The following GFAP variants were observed in gnomAD, a reference collection of about 807,000 sequenced individuals.
GFAP encodes intermediate filament protein.
A neutral mutation model predicts 49.3 loss-of-function variants in GFAP; 38 were observed. That is an observed-to-expected ratio of 0.77 (90% CI 0.60 to 1.01). The LOEUF (loss-of-function observed/expected upper bound fraction) is 1.01, where lower values mean the gene tolerates loss of function less well. Among genes scored for constraint, GFAP ranks in the 50% least tolerant of loss-of-function variants. GFAP has a pLI of 0.00. For synonymous variants in GFAP, 222 were observed against 236.4 expected, an observed-to-expected ratio of 0.94 and a Z score of 0.56; for missense variants, 463 against 579.1, an observed-to-expected ratio of 0.80 and a Z score of 2.06.
rs1427677700 is a variant in GFAP, at chr17:44,903,981, T to C, written c.*3366A>G. On this transcript the variant is annotated 3_prime_UTR_variant, in exon 9 of 9. Transcript: ENST00000588735. The stretch of plus-strand genomic sequence containing the variant: ...TACCTGGCCGACATGAGCTTTGAGC[T>C]TCCCTGTCACTGCAAACCCGAAGAG... The C allele has an allele frequency of 2.6e-6, 4 of 1,550,530 alleles. No homozygotes were observed. The highest frequency in any genetic ancestry group is 3.5e-6 in the Non-Finnish European group (4 of 1,147,012).
chr17:44,910,803 G>A, intron 6 of GFAP, 145 bp from the exon 7 acceptor site: 1 of 1,211,098 alleles, frequency 8.3e-7, no homozygotes, highest in Non-Finnish European at 1.2e-6. Context: ...TTCCCCAGCA[G>A]CCAACGTGCT....
chr17:44,913,480 C>T (rs753715281), intron 3 of GFAP, 50 bp from the exon 4 acceptor site: 1 of 1,591,994 alleles, frequency 6.3e-7, no homozygotes, highest in Admixed American at 1.7e-5. Flanking sequence ...CAGGCCACAG[C>T]TGGGGTTCCC....
intron 7 of GFAP, chr17:44,909,776 C>A: frequency 2.7e-6 from 3 of 1,114,590 alleles, no homozygotes; most frequent in Non-Finnish European, 3.3e-6. Flanking sequence ...AGCGATGGAG[C>A]CTCAGGGATG....
In GFAP at chr17:44,906,997, G is replaced by A; in HGVS notation, c.*350C>T. On this transcript the variant is annotated 3_prime_UTR_variant, in exon 9 of 9. Coordinates refer to ENST00000588735, the MANE Select transcript of GFAP (RefSeq NM_002055.5). ...TCTGGCAACAGTTTCCATAACAACAGGAATCAGGGATGTGGAGGGCGATGT... is the reference window on the plus strand; with the variant it reads ...TCTGGCAACAGTTTCCATAACAACAAGAATCAGGGATGTGGAGGGCGATGT... 2.6e-6 allele frequency: 1 copy of A among 388,858 alleles called. No individual in the cohort carries two copies. The highest frequency in any genetic ancestry group is 2.7e-5 in the South Asian group (1 of 37,542). The allele number at this position is 388,858 out of a possible 1,614,324, so 24.1% of individuals were successfully genotyped here.
chr17:44,913,423 C>T lies in GFAP; in HGVS notation c.626G>A (p.Arg209Gln), dbSNP rs771699440. 20 of 1,613,994 alleles carry T rather than the reference C, an allele frequency of 1.2e-5. No individual in the cohort carries two copies. Among genetic ancestry groups the T allele is most frequent in the Middle Eastern group, 1.7e-4 (1 of 5,970 alleles). ...FLRKIHEEEV[R>Q]ELQEQLARQQ... is the part of the protein sequence containing the mutation. Reference sequence around the variant, plus strand: ...TCGGGCCAGCTGCTCCTGGAGTTCCCGAACCTCCTGACCAGGGTGAGAGAA... The same window carrying T: ...TCGGGCCAGCTGCTCCTGGAGTTCCTGAACCTCCTGACCAGGGTGAGAGAA... The change falls in exon 4 of 9, where the codon CGG (arginine) becomes CAG (glutamine). Residue 209 changes from arginine to glutamine, a missense_variant. Physicochemically the swap from Arg to Gln is conservative, Grantham distance 43. This residue lies in a region of GFAP where 362 missense variants were observed against 445.5 expected (regional missense o/e 0.81). Transcript: ENST00000588735.
Position 44,904,482 on chromosome 17 carries a change from C to A in GFAP, c.*2865G>T. 6.5e-7 allele frequency: 1 copy of A among 1,547,704 alleles called. No individual in the cohort carries two copies. Among genetic ancestry groups the A allele is most frequent in the African/African-American group, 1.4e-5 (1 of 73,136 alleles). On this transcript the variant is annotated 3_prime_UTR_variant, in exon 9 of 9. Coordinates refer to ENST00000588735, the MANE Select transcript of GFAP (RefSeq NM_002055.5). ...GATGTGGTGTCTTGTGGCTCAAGGGCTGTGCCAAGGAAGCTGCGGACCAAG... is the reference window on the plus strand; with the variant it reads ...GATGTGGTGTCTTGTGGCTCAAGGGATGTGCCAAGGAAGCTGCGGACCAAG...
rs1282048086 is a variant in GFAP, at chr17:44,904,680, G to A, written c.*2667C>T. The stretch of plus-strand genomic sequence containing the variant: ...TTCCACCAGCAGAGACTGGGCCATG[G>A]ACTCATCATCTCCTGTCCTGGGGCC... On this transcript the variant is annotated 3_prime_UTR_variant, in exon 9 of 9. Coordinates refer to ENST00000588735, the MANE Select transcript of GFAP (RefSeq NM_002055.5). 1.3e-6 allele frequency: 2 copies of A among 1,550,578 alleles called. No individual in the cohort carries two copies. The highest frequency in any genetic ancestry group is 2.4e-5 in the South Asian group (2 of 84,058).
At position 44,913,378 on chromosome 17, in the gene GFAP, A is replaced by G. The variant is rs140889005; in HGVS notation, c.671T>C (p.Leu224Pro). Residue 224 changes from leucine (L) to proline (P), a missense_variant, in exon 4 of 9, where the codon CTT becomes CCT. Leu to Pro is a moderately conservative substitution (Grantham distance 98). Coordinates refer to ENST00000588735, the MANE Select transcript of GFAP (RefSeq NM_002055.5). ...QLARQQVHVELDVAKPDLTAA... is the reference protein window; with the variant it reads ...QLARQQVHVEPDVAKPDLTAA... ...GGTGAGGTCTGGCTTGGCCACGTCA[A>G]GCTCCACATGGACCTGCTGTCGGGC... The G allele has an allele frequency of 2.0e-5, 32 of 1,614,078 alleles. No homozygotes were observed. The highest frequency in any genetic ancestry group is 2.6e-5 in the Non-Finnish European group (31 of 1,180,034).
rs904549643 is a variant in GFAP at position 44,904,873 on chromosome 17, G to C, written c.*2474C>G. On this transcript the variant is annotated 3_prime_UTR_variant, in exon 9 of 9. Transcript: ENST00000588735. ...GGGGCATCTACTATTGCTGGAGGCA[G>C]GGTGTGCTAGTTGCTGGCTTCCGGC... 3.9e-6 allele frequency: 6 copies of C among 1,550,552 alleles called. No individual in the cohort carries two copies. The highest frequency in any genetic ancestry group is 5.2e-6 in the Non-Finnish European group (6 of 1,146,994).
intron 7 of GFAP, 181 bp from the exon 8 acceptor site, chr17:44,908,330 G>C (rs1227567751): frequency 5.4e-6 from 2 of 367,150 alleles, no homozygotes; most frequent in Non-Finnish European, 9.9e-6. Flanking sequence ...CAATAGTGCT[G>C]CTGCCAGAGT....
rs1332793479 is a variant in GFAP at position 44,903,875 on chromosome 17, C to T, written c.*3472G>A. 1.9e-6 allele frequency: 3 copies of T among 1,550,580 alleles called. No individual in the cohort carries two copies. Among genetic ancestry groups the T allele is most frequent in the Non-Finnish European group, 8.7e-7 (1 of 1,146,884 alleles). On this transcript the variant is annotated 3_prime_UTR_variant, in exon 9 of 9. Transcript: ENST00000588735. The stretch of plus-strand genomic sequence containing the variant: ...TGTGCTCCTGTGGGCATGGGGGCTC[C>T]AGGCCTTTGAAATTGTGGAGAAGGA...
At chr17:44,913,077 G>T in intron 4 of GFAP, 192 bp downstream of exon 4, 1 of 663,690 alleles carries the variant, frequency 1.5e-6, no homozygotes, top group Non-Finnish European at 2.7e-6. Context: ...AATAGTAGCA[G>T]TAATAATAAT....
chr17:44,905,191 T>TA lies in GFAP; in HGVS notation c.*2155dup. 1 of 758,376 alleles carries TA rather than the reference T, an allele frequency of 1.3e-6. No individual in the cohort carries two copies. Among genetic ancestry groups the TA allele is most frequent in the African/African-American group, 1.8e-5 (1 of 56,546 alleles). The allele number at this position is 758,376 out of a possible 1,614,324, so 47.0% of individuals were successfully genotyped here. ...GGTAGGAACATGTGGACAAATCTGT[T>TA]ACAGCCTGCTCCCCATTTTCATGGG... On this transcript the variant is annotated 3_prime_UTR_variant, in exon 9 of 9. Coordinates refer to ENST00000588735, the MANE Select transcript of GFAP (RefSeq NM_002055.5).
chr17:44,905,578 CA>C lies in GFAP; in HGVS notation c.*1768del, dbSNP rs2145622518. The C allele has an allele frequency of 6.3e-6, 1 of 159,838 alleles. No homozygotes were observed. Among genetic ancestry groups the C allele is most frequent in the South Asian group, 1.8e-4 (1 of 5,406 alleles). 9.9% of individuals were successfully genotyped at this position (159,838 alleles called of 1,614,324 possible). On this transcript the variant is annotated 3_prime_UTR_variant, in exon 9 of 9. Coordinates refer to ENST00000588735, the MANE Select transcript of GFAP (RefSeq NM_002055.5). ...AATGAGTTGGTCTTGTCAAAGGCTA[CA>C]TCTTGGCCCCAGTCCCGCCCTCTCA...
Position 44,904,945 on chromosome 17 carries a change from T to C in GFAP, c.*2402A>G, listed in dbSNP as rs1407164976. 4 of 1,550,586 alleles carry C rather than the reference T, an allele frequency of 2.6e-6. No homozygotes were observed. The East Asian group carries it at 7.3e-5, about 28-fold the overall frequency. On this transcript the variant is annotated 3_prime_UTR_variant, in exon 9 of 9. Coordinates refer to ENST00000588735, the MANE Select transcript of GFAP (RefSeq NM_002055.5). ...ACTACCCAGCCTCGTTCTCAGATCC[T>C]GAGACTCGCTCGGCTGTGGAGCTCA...
rs1017887186 is a variant in GFAP at position 44,905,103 on chromosome 17, C to T, written c.*2244G>A. On this transcript the variant is annotated 3_prime_UTR_variant, in exon 9 of 9. Coordinates refer to ENST00000588735, the MANE Select transcript of GFAP (RefSeq NM_002055.5). ...TCTTCAGCTCTGAAGACCAGTTGTC[C>T]TTCAATGTGTTTGTTAAATGATACC... The T allele has an allele frequency of 1.4e-6, 2 of 1,468,554 alleles. No individual in the cohort carries two copies. Among genetic ancestry groups the T allele is most frequent in the East Asian group, 2.5e-5 (1 of 40,278 alleles). The allele number at this position is 1,468,554 out of a possible 1,614,324, so 91.0% of individuals were successfully genotyped here.
At position 44,911,944 on chromosome 17, in the gene GFAP, G is replaced by A. The variant is rs567056380; in HGVS notation, c.781-147C>T. On this transcript the variant is annotated intron_variant, in intron 4 of 8. Transcript: ENST00000588735. ...CCCAACAACTGTGACCCATGGATGC[G>A]GGCAGGGTAGCGGGCTGCCAGACCT... 8.0e-6 allele frequency: 7 copies of A among 876,346 alleles called. No individual in the cohort carries two copies. In the African/African-American group the frequency reaches 8.3e-5, roughly 10 times the overall value. 54.3% of individuals were successfully genotyped at this position (876,346 alleles called of 1,614,324 possible). A position where few individuals can be genotyped will look rare whatever the true frequency, so the allele number is the denominator to read the frequency against.
chr17:44,913,504 C>G, intron 3 of GFAP, 74 bp from the exon 4 acceptor site: 1 of 1,483,230 alleles, frequency 6.7e-7, no homozygotes, highest in Non-Finnish European at 9.4e-7. Flanking sequence ...GCCATTGTGT[C>G]CTCTTCTGCC....
At chr17:44,910,141 CGCGAGCCG>C (rs1567772379) in intron 7 of GFAP, 1 of 1,613,938 alleles carries the variant, frequency 6.2e-7, no homozygotes, top group Non-Finnish European at 8.5e-7. Flanking sequence ...GGCAGCTAAC[CGCGAGCCG>C]GCGGCGTTCC....
Sources: allele counts gnomAD v4.1 joint callset, GRCh38; gene constraint gnomAD v4.1.1; regional missense constraint gnomAD v4.1.1; transcripts MANE v1.5; gene names NCBI Gene and HGNC (gene_info 2026-07-23, HGNC 2026-07-21).